The following ITGA9 variants were observed in gnomAD, a reference collection of about 807,000 sequenced individuals.
ITGA9 encodes integrin alpha-9.
Under a neutral mutation model 127.8 loss-of-function variants are expected in ITGA9, and 56 were observed. The ratio of observed to expected loss-of-function variants is 0.44; its 90% CI spans 0.35 to 0.55. ITGA9 has a LOEUF of 0.55. Ranked by LOEUF, ITGA9 falls within the 20% of genes least tolerant of loss-of-function variation. The probability of loss-of-function intolerance (pLI) is 0.00; values close to 1 mark genes in which losing one functional copy is unlikely to be tolerated. For missense variants in ITGA9, 1,196 were observed against 1,347.1 expected, an observed-to-expected ratio of 0.89 and a Z score of 1.76; for synonymous variants, 508 against 514.5, an observed-to-expected ratio of 0.99 and a Z score of 0.17.
At chr3:37,494,692 A>G (rs1391133848) in intron 5 of ITGA9, 124 bp downstream of exon 5, 1 of 796,510 alleles carries the variant, frequency 1.3e-6, no homozygotes, top group Non-Finnish European at 2.2e-6. Context: ...TCGAGGGAGC[A>G]GATTCTGGTC....
Position 37,505,734 on chromosome 3 carries a change from CAG to C in ITGA9, c.743-264_743-263del, listed in dbSNP as rs147870796. 2.0e-4 allele frequency among the ~76,000 whole-genome samples: 30 copies of C among 152,208 alleles called. No individual in the cohort carries two copies. The East Asian group carries it at 4.8e-3, about 24-fold the overall frequency. On this transcript the variant is annotated intron_variant, in intron 6 of 27. Coordinates refer to ENST00000264741, the MANE Select transcript of ITGA9 (RefSeq NM_002207.3). The stretch of plus-strand genomic sequence containing the variant: ...AAACTATGCCTTGAAAAGAAGAAAA[CAG>C]ATATATAGTATTTCATACAGTACTT...
intron 15 of ITGA9, among the ~76,000 whole-genome samples, chr3:37,592,625 G>C (rs1173719459): frequency 6.6e-6 from 1 of 152,210 alleles, no homozygotes; most frequent in Non-Finnish European, 1.5e-5. Flanking sequence ...AGATGGAGAG[G>C]AGGGGGTGTA....
chr3:37,789,469 T>C (rs1441570680), intron 26 of ITGA9, among the ~76,000 whole-genome samples: 1 of 151,604 alleles, frequency 6.6e-6, no homozygotes, highest in Non-Finnish European at 1.5e-5. Flanking sequence ...ATATTAAGAG[T>C]ATGCGCTCAG....
chr3:37,479,147 A>C (rs1698525136), intron 3 of ITGA9, among the ~76,000 whole-genome samples: 1 of 152,218 alleles, frequency 6.6e-6, no homozygotes. Context: ...ACAATAAGTG[A>C]TTCAAGTTTG....
At chr3:37,708,515 A>G (rs958275887) in intron 18 of ITGA9, among the ~76,000 whole-genome samples, 2 of 152,240 alleles carry the variant, frequency 1.3e-5, no homozygotes, top group Non-Finnish European at 2.9e-5. Flanking sequence ...AGGTATAATT[A>G]TCCCAGTGGT....
chr3:37,781,240 GC>G (rs1211764155), intron 25 of ITGA9, among the ~76,000 whole-genome samples: 3 of 152,212 alleles, frequency 2.0e-5, no homozygotes, highest in Non-Finnish European at 4.4e-5. Flanking sequence ...TAGGGACCTC[GC>G]TTTGGATGAA....
intron 15 of ITGA9, among the ~76,000 whole-genome samples, chr3:37,617,938 G>A (rs569745650): frequency 1.4e-3 from 215 of 152,008 alleles, no homozygotes; most frequent in African/African-American, 4.6e-3. Context: ...TAGTTTGATC[G>A]TCTGAAGCCT....
chr3:37,632,906 A>G (rs1206319538), intron 16 of ITGA9, among the ~76,000 whole-genome samples: 1 of 152,202 alleles, frequency 6.6e-6, no homozygotes, highest in East Asian at 1.9e-4. Flanking sequence ...TGGTAAAAAT[A>G]AAGTCACTTT....
At chr3:37,590,244 C>T (rs2125614694) in intron 15 of ITGA9, among the ~76,000 whole-genome samples, 1 of 152,316 alleles carries the variant, frequency 6.6e-6, no homozygotes, top group African/African-American at 2.4e-5. Flanking sequence ...CTCCCTGCTC[C>T]CCATGGAGCC....
At chr3:37,746,473 T>G (rs1228726891) in intron 22 of ITGA9, among the ~76,000 whole-genome samples, 1 of 152,204 alleles carries the variant, frequency 6.6e-6, no homozygotes, top group Non-Finnish European at 1.5e-5. Flanking sequence ...AATGCAGATA[T>G]TACACATGAA....
At chr3:37,554,773 A>G (rs1699413816) in intron 15 of ITGA9, among the ~76,000 whole-genome samples, 1 of 152,186 alleles carries the variant, frequency 6.6e-6, no homozygotes. Context: ...TTTCAGCCTG[A>G]GTACCTAAAA....
chr3:37,712,031 C>T (rs1234266811), intron 18 of ITGA9, among the ~76,000 whole-genome samples: 2 of 150,834 alleles, frequency 1.3e-5, no homozygotes, highest in Admixed American at 6.6e-5. Flanking sequence ...ACACTCCTCA[C>T]GGACAAGTTC....
intron 15 of ITGA9, among the ~76,000 whole-genome samples, chr3:37,589,284 C>T (rs565756637): frequency 2.6e-5 from 4 of 152,182 alleles, no homozygotes; most frequent in Non-Finnish European, 4.4e-5. Flanking sequence ...CGCTGCCATT[C>T]GTTCATTCAC....
intron 16 of ITGA9, among the ~76,000 whole-genome samples, chr3:37,635,792 C>T (rs547021382): frequency 2.9e-4 from 39 of 136,576 alleles, no homozygotes; most frequent in African/African-American, 9.8e-4. Flanking sequence ...CCCCCAACCC[C>T]ACAACCGTCC....
At chr3:37,464,421 G>A (rs1698349426) in intron 1 of ITGA9, among the ~76,000 whole-genome samples, 1 of 152,030 alleles carries the variant, frequency 6.6e-6, no homozygotes, top group Non-Finnish European at 1.5e-5. Flanking sequence ...CTACTGCCCA[G>A]CAGTCTAACA....
intron 18 of ITGA9, among the ~76,000 whole-genome samples, chr3:37,730,758 G>A (rs1474861487): frequency 6.6e-6 from 1 of 152,204 alleles, no homozygotes; most frequent in Non-Finnish European, 1.5e-5. Context: ...ATCCATGAGT[G>A]TTTGGGGACA....
intron 18 of ITGA9, among the ~76,000 whole-genome samples, chr3:37,699,281 A>C (rs892513171): frequency 1.3e-5 from 2 of 152,084 alleles, no homozygotes; most frequent in African/African-American, 4.8e-5. Flanking sequence ...TTGGGTACCA[A>C]ATTGCCTGTT....
intron 4 of ITGA9, among the ~76,000 whole-genome samples, chr3:37,483,092 G>A (rs1171768567): frequency 2.0e-5 from 3 of 152,174 alleles, no homozygotes; most frequent in Admixed American, 6.5e-5. Flanking sequence ...GAGAAGGAGC[G>A]ATGGGCTCAG....
intron 1 of ITGA9, among the ~76,000 whole-genome samples, chr3:37,464,946 G>T (rs1698354186): frequency 6.6e-6 from 1 of 152,178 alleles, no homozygotes; most frequent in Non-Finnish European, 1.5e-5. Flanking sequence ...CCCAGTAAGG[G>T]ATGCGGACAA....
Sources: allele counts gnomAD v4.1 joint callset (sites outside exome capture counted in the v4.1 genomes callset), GRCh38; gene constraint gnomAD v4.1.1; transcripts MANE v1.5; gene names NCBI Gene and HGNC (gene_info 2026-07-23, HGNC 2026-07-21).